Variants in MYH15 observed in about 807,000 individuals in gnomAD.
MYH15 encodes the protein myosin-15.
In MYH15, 227 loss-of-function variants were observed where a neutral mutation model predicts 240.5. The observed-to-expected ratio is 0.94, with a 90% CI of 0.85 to 1.05. The LOEUF is 1.05. Ranked by LOEUF, MYH15 falls within the 50% of genes least tolerant of loss-of-function variation. MYH15 has a pLI of 0.00. For synonymous variants in MYH15, 785 were observed against 796.7 expected, an observed-to-expected ratio of 0.99 and a Z score of 0.25; for missense variants, 2,217 against 2,247.5, an observed-to-expected ratio of 0.99 and a Z score of 0.27.
chr3:108,437,773 C>CTT, intron 24 of MYH15, 74 bp from the exon 25 acceptor site: 1 of 1,386,088 alleles, frequency 7.2e-7, no homozygotes, highest in South Asian at 1.6e-5. Flanking sequence ...TCATTAACCA[C>CTT]TTACCTTCTG....
At chr3:108,404,157 G>A (rs2082529067) in intron 33 of MYH15, among the ~76,000 whole-genome samples, 1 of 152,056 alleles carries the variant, frequency 6.6e-6, no homozygotes, top group Non-Finnish European at 1.5e-5. Context: ...CAGTCCTGTA[G>A]AAGAAAATGC....
intron 37 of MYH15, among the ~76,000 whole-genome samples, chr3:108,390,993 CA>C (rs1391511996): frequency 1.3e-5 from 2 of 152,126 alleles, no homozygotes; most frequent in African/African-American, 4.8e-5. Flanking sequence ...CATATTCTCC[CA>C]CTTTCTTGAA....
At chr3:108,401,798 T>A (rs1009282396) in intron 33 of MYH15, among the ~76,000 whole-genome samples, 1 of 152,212 alleles carries the variant, frequency 6.6e-6, no homozygotes, top group African/African-American at 2.4e-5. Flanking sequence ...GGCATGGGTA[T>A]AATACAGTCC....
At chr3:108,402,761 C>G (rs1029030987) in intron 33 of MYH15, among the ~76,000 whole-genome samples, 1 of 152,344 alleles carries the variant, frequency 6.6e-6, no homozygotes, top group African/African-American at 2.4e-5. Flanking sequence ...TCAACATTTC[C>G]TCCAATCAGA....
chr3:108,522,451 T>C (rs1276971516), intron 1 of MYH15, among the ~76,000 whole-genome samples: 2 of 146,378 alleles, frequency 1.4e-5, no homozygotes, highest in African/African-American at 2.8e-5. Flanking sequence ...GTAAAGTAAG[T>C]GGTGTATTTT....
chr3:108,469,554 G>T (rs1294440606), intron 14 of MYH15, among the ~76,000 whole-genome samples: 1 of 152,162 alleles, frequency 6.6e-6, no homozygotes, highest in Admixed American at 6.5e-5. Flanking sequence ...TAAACTAACT[G>T]GTACTTGTCC....
chr3:108,513,740 T>C (rs569791225), upstream of MYH15, among the ~76,000 whole-genome samples: 10 of 152,270 alleles, frequency 6.6e-5, no homozygotes, highest in Middle Eastern at 0.014. Flanking sequence ...AAACTGACAA[T>C]GAATGTACAC....
Position 108,384,684 on chromosome 3 carries a change from C to G in MYH15, c.5631+3G>C. 6.2e-7 allele frequency: 1 copy of G among 1,612,750 alleles called. No individual in the cohort carries two copies. The highest frequency in any genetic ancestry group is 8.5e-7 in the Non-Finnish European group (1 of 1,179,066). Reference sequence around the variant, plus strand: ...TGAGGCTGAAACTTCCCCAGGCACTCACCGCCACCTCGACTTGCTGCTTGT... The same window carrying G: ...TGAGGCTGAAACTTCCCCAGGCACTGACCGCCACCTCGACTTGCTGCTTGT... On this transcript the variant is annotated splice_donor_region_variant and intron_variant, in intron 39 of 40. Coordinates refer to ENST00000693548, the MANE Select transcript of MYH15 (RefSeq NM_014981.3).
chr3:108,404,178 G>C (rs895923407), intron 33 of MYH15, among the ~76,000 whole-genome samples: 1 of 152,098 alleles, frequency 6.6e-6, no homozygotes, highest in Admixed American at 6.6e-5. Context: ...CAGTGAGTGA[G>C]AGCAAAGATA....
At chr3:108,467,496 T>C (rs1257743140) in intron 14 of MYH15, among the ~76,000 whole-genome samples, 1 of 152,114 alleles carries the variant, frequency 6.6e-6, no homozygotes, top group Non-Finnish European at 1.5e-5. Context: ...TGCTAGGTAG[T>C]ATAGTTTGGA....
chr3:108,524,629 A>G (rs1194366816), intron 1 of MYH15, among the ~76,000 whole-genome samples: 1 of 152,072 alleles, frequency 6.6e-6, no homozygotes, highest in East Asian at 1.9e-4. Flanking sequence ...ATATTTAGTC[A>G]GTATTTCTTG....
intron 14 of MYH15, among the ~76,000 whole-genome samples, chr3:108,465,716 C>T (rs184393800): frequency 8.4e-4 from 128 of 152,200 alleles, no homozygotes; most frequent in Middle Eastern, 3.4e-3. Flanking sequence ...CACCTGAGAT[C>T]AGGAGTTCGA....
chr3:108,505,121 AC>A (rs1410258862), intron 2 of MYH15, among the ~76,000 whole-genome samples: 1 of 152,142 alleles, frequency 6.6e-6, no homozygotes, highest in African/African-American at 2.4e-5. Context: ...CCCACAGGAT[AC>A]CTTTTTTTAA....
chr3:108,525,826 G>C (rs1401279124), intron 1 of MYH15, among the ~76,000 whole-genome samples: 5 of 151,998 alleles, frequency 3.3e-5, no homozygotes, highest in Non-Finnish European at 5.9e-5. Context: ...ATATTTCACT[G>C]ATGTCTGCTA....
rs2083165732 is a variant in MYH15 at position 108,470,722 on chromosome 3, G to A, written c.1359C>T (p.Asp453=). 1 of 1,613,684 alleles carries A rather than the reference G, an allele frequency of 6.2e-7. No homozygotes were observed. The highest frequency in any genetic ancestry group is 8.5e-7 in the Non-Finnish European group (1 of 1,179,808). Reference sequence around the variant, plus strand: ...CCTCAAGGATTTCAAAACCAGTGATGTCAAGAATGCCAATGAAGAACTGCC... The same window carrying A: ...CCTCAAGGATTTCAAAACCAGTGATATCAAGAATGCCAATGAAGAACTGCC... ...LSRQFFIGIL[D]ITGFEILEYN... is the part of the protein sequence containing the mutation. The change falls in exon 13 of 41, where the codon GAC becomes GAT. Residue 453 remains aspartate, a synonymous_variant. Transcript: ENST00000693548.
chr3:108,485,133 G>T lies in MYH15; in HGVS notation c.1072C>A (p.Gln358Lys), dbSNP rs754442718. 6.2e-7 allele frequency: 1 copy of T among 1,614,072 alleles called. No homozygotes were observed. The highest frequency in any genetic ancestry group is 8.5e-7 in the Non-Finnish European group (1 of 1,179,958). ...TCCAGTTGCTCTTCTCTAGGTTTCT[G>T]TTTAAATTTCATATTTCCAAAGTGC... ...IMHFGNMKFK[Q>K]KPREEQLEAD... The change falls in exon 11 of 41, where the codon CAG (glutamine) becomes AAG (lysine). Residue 358 changes from glutamine (Q) to lysine (K), a missense_variant. By Grantham distance (53) the Gln-to-Lys change is moderately conservative (BLOSUM62 1). Coordinates refer to ENST00000693548, the MANE Select transcript of MYH15 (RefSeq NM_014981.3).
At chr3:108,478,144 A>G (rs2083236288) in intron 11 of MYH15, among the ~76,000 whole-genome samples, 1 of 152,212 alleles carries the variant, frequency 6.6e-6, no homozygotes, top group African/African-American at 2.4e-5. Flanking sequence ...AACAGAAAAT[A>G]AAGTAAAAAC....
At chr3:108,460,606 T>C (rs995096045) in intron 16 of MYH15, among the ~76,000 whole-genome samples, 2 of 152,128 alleles carry the variant, frequency 1.3e-5, no homozygotes, top group Non-Finnish European at 2.9e-5. Context: ...TATTTAGTCA[T>C]TGCAAAAAAA....
At chr3:108,479,541 A>G (rs1371568610) in intron 11 of MYH15, among the ~76,000 whole-genome samples, 2 of 152,198 alleles carry the variant, frequency 1.3e-5, no homozygotes, top group East Asian at 3.8e-4. Flanking sequence ...GGCAAGTTGT[A>G]AAAACAAATA....
Sources: gnomAD v4.1 joint callset for allele counts (sites outside exome capture counted in the v4.1 genomes callset) on GRCh38, gnomAD v4.1.1 for gene constraint, MANE v1.5 for transcripts, NCBI Gene and HGNC (gene_info 2026-07-23, HGNC 2026-07-21) for gene names.